Variants in MAP3K14 observed in about 807,000 individuals in gnomAD.
The protein encoded by MAP3K14 is NF-kappa-beta-inducing kinase.
Under a neutral mutation model 99.2 loss-of-function variants are expected in MAP3K14, and 16 were observed. The observed-to-expected ratio is 0.16, with a 90% CI of 0.11 to 0.24. MAP3K14 has a LOEUF of 0.24. Ranked by LOEUF, MAP3K14 falls within the 10% of genes least tolerant of loss-of-function variation. The pLI is 1.00. For synonymous variants in MAP3K14, 462 were observed against 492.4 expected, an observed-to-expected ratio of 0.94 and a Z score of 0.82; for missense variants, 784 against 1,208.7, an observed-to-expected ratio of 0.65 and a Z score of 5.21.
rs1469896711 is a variant in MAP3K14, at chr17:45,264,629, G to A, written c.*7C>T. ...CGGCAGTGTGGAGCCGGCGGTGGAG[G>A]GCAGGGTTAGGGCCTGTTCTCCAGC... On this transcript the variant is annotated 3_prime_UTR_variant, in exon 16 of 16. Transcript: ENST00000344686. 1.3e-6 allele frequency: 2 copies of A among 1,568,532 alleles called. No homozygotes were observed. The highest frequency in any genetic ancestry group is 3.7e-5 in the Admixed American group (2 of 53,402).
intron 6 of MAP3K14, among the ~76,000 whole-genome samples, chr17:45,283,212 T>A (rs1228029488): frequency 6.6e-6 from 1 of 152,196 alleles, no homozygotes; most frequent in Non-Finnish European, 1.5e-5. Flanking sequence ...CTTCACACTC[T>A]CACACTCTCC....
intron 1 of MAP3K14, among the ~76,000 whole-genome samples, chr17:45,316,620 G>A (rs1387580853): frequency 2.6e-5 from 4 of 152,320 alleles, no homozygotes; most frequent in South Asian, 4.1e-4. Context: ...GGGGCACTGG[G>A]GCGCAGAGCA....
intron 4 of MAP3K14, 42 bp downstream of exon 4, chr17:45,287,112 C>A (rs1438723753): frequency 3.1e-5 from 50 of 1,602,188 alleles, no homozygotes; most frequent in Non-Finnish European, 3.8e-5. Context: ...AATTTCAAGG[C>A]CCCATGAACC....
intron 9 of MAP3K14, among the ~76,000 whole-genome samples, chr17:45,271,739 A>C (rs2044144093): frequency 6.6e-6 from 1 of 152,262 alleles, no homozygotes; most frequent in Non-Finnish European, 1.5e-5. Flanking sequence ...TGTACAAAGT[A>C]ACAGAGCATC....
chr17:45,277,543 T>C (rs758754969), intron 6 of MAP3K14, among the ~76,000 whole-genome samples: 21 of 152,216 alleles, frequency 1.4e-4, no homozygotes, highest in Non-Finnish European at 2.9e-4. Context: ...CCATGAACTT[T>C]GACTCTGCCA....
chr17:45,306,796 G>A (rs906399533), intron 1 of MAP3K14, among the ~76,000 whole-genome samples: 4 of 152,250 alleles, frequency 2.6e-5, no homozygotes, highest in African/African-American at 9.6e-5. Flanking sequence ...TTTGCACAAG[G>A]AGAGCCAACA....
At chr17:45,274,425 G>A (rs751191026) in intron 7 of MAP3K14, 39 bp downstream of exon 7, 1 of 1,610,960 alleles carries the variant, frequency 6.2e-7, no homozygotes, top group African/African-American at 1.3e-5. Context: ...GGAACTCTTG[G>A]CCCTGAATTT....
Position 45,306,951 on chromosome 17 carries a change from T to C in MAP3K14, c.-21+10009A>G, listed in dbSNP as rs8065178. 6.4e-3 allele frequency among the ~76,000 whole-genome samples: 977 copies of C among 152,286 alleles called. 14 individuals are homozygous for C. Among genetic ancestry groups the C allele is most frequent in the African/African-American group, 0.022 (924 of 41,550 alleles). ...ACAATAAGCAACAAGGAATGTTTAA[T>C]GTATATTGTATAAAAAATTTTTCAG... On this transcript the variant is annotated intron_variant, in intron 1 of 15. Coordinates refer to ENST00000344686, the MANE Select transcript of MAP3K14 (RefSeq NM_003954.5).
At chr17:45,287,729 G>T (rs11574818) in intron 3 of MAP3K14, among the ~76,000 whole-genome samples, 2 of 152,190 alleles carry the variant, frequency 1.3e-5, no homozygotes, top group African/African-American at 4.8e-5. Context: ...GACACGGTTC[G>T]CTCACTGCTC....
Position 45,267,847 on chromosome 17 carries a change from G to A in MAP3K14, c.1973-88C>T. On this transcript the variant is annotated intron_variant, in intron 11 of 15. Coordinates refer to ENST00000344686, the MANE Select transcript of MAP3K14 (RefSeq NM_003954.5). This position sits in a 1 kb window ranked among gnomAD's most constrained non-coding sequence, Gnocchi z 5.1. ...GGAGCGGCCTCTCCTGAGTGCAGAA[G>A]GGCTAGAGGCAAACAAAGGGGAGGA... is the stretch of plus-strand genomic sequence containing the variant. 1.7e-6 allele frequency: 2 copies of A among 1,148,708 alleles called. No homozygotes were observed. Among genetic ancestry groups the A allele is most frequent in the Non-Finnish European group, 1.3e-6 (1 of 796,688 alleles). The allele number at this position is 1,148,708 out of a possible 1,614,324, so 71.2% of individuals were successfully genotyped here.
In MAP3K14 at chr17:45,264,742, A is replaced by G. The variant is rs763082452; in HGVS notation, c.2738T>C (p.Met913Thr). 6.2e-7 allele frequency: 1 copy of G among 1,613,224 alleles called. No homozygotes were observed. The highest frequency in any genetic ancestry group is 8.5e-7 in the Non-Finnish European group (1 of 1,179,644). ...TKDGQPVRYDMEVPDSGIDLQ... is the reference protein window; with the variant it reads ...TKDGQPVRYDTEVPDSGIDLQ... Reference sequence around the variant, plus strand: ...GTCGATGCCCGAGTCTGGCACCTCCATGTCGTAGCGAACAGGCTGCCCGTC... The same window carrying G: ...GTCGATGCCCGAGTCTGGCACCTCCGTGTCGTAGCGAACAGGCTGCCCGTC... Residue 913 changes from methionine (M) to threonine (T), a missense_variant, in exon 16 of 16, where the codon ATG (methionine) becomes ACG (threonine). Coordinates refer to ENST00000344686, the MANE Select transcript of MAP3K14 (RefSeq NM_003954.5).
rs1311601745 is a variant in MAP3K14 at position 45,284,956 on chromosome 17, T to A, written c.1153-7A>T. 1 of 1,551,254 alleles carries A rather than the reference T, an allele frequency of 6.4e-7. No individual in the cohort carries two copies. The highest frequency in any genetic ancestry group is 1.2e-5 in the South Asian group (1 of 84,012). ...AATCCACTGGCTTGAGTTTCTGGGG[T>A]TGGCAGGAGAGAGAGGACAGTTTCA... On this transcript the variant is annotated splice_region_variant and splice_polypyrimidine_tract_variant and intron_variant, in intron 5 of 15. Coordinates refer to ENST00000344686, the MANE Select transcript of MAP3K14 (RefSeq NM_003954.5).
chr17:45,264,842 G>C (rs1226098997), intron 15 of MAP3K14, 42 bp from the exon 16 acceptor site: 10 of 1,596,530 alleles, frequency 6.3e-6, no homozygotes, highest in South Asian at 2.3e-5. Flanking sequence ...CATGGCATAG[G>C]GCTCAAGCCA....
intron 11 of MAP3K14, among the ~76,000 whole-genome samples, chr17:45,269,707 C>CT (rs1334394842): frequency 6.6e-6 from 1 of 152,240 alleles, no homozygotes; most frequent in Non-Finnish European, 1.5e-5. Flanking sequence ...CTTCTGGTAG[C>CT]TGGGCACATG....
chr17:45,265,362 C>T (rs964255590), intron 14 of MAP3K14, 99 bp from the exon 15 acceptor site: 11 of 783,368 alleles, frequency 1.4e-5, no homozygotes, highest in East Asian at 9.8e-5. Flanking sequence ...TTAAAAGTCA[C>T]TCTGCCCTAT....
chr17:45,292,063 C>A (rs1022707338), intron 1 of MAP3K14, among the ~76,000 whole-genome samples: 3 of 152,254 alleles, frequency 2.0e-5, no homozygotes, highest in Non-Finnish European at 2.9e-5. Context: ...ACCTCGATGG[C>A]TATGAAAGGC....
chr17:45,316,451 C>T (rs1263763252), intron 1 of MAP3K14, among the ~76,000 whole-genome samples: 1 of 152,258 alleles, frequency 6.6e-6, no homozygotes, highest in Non-Finnish European at 1.5e-5. Context: ...CAGCACTGCC[C>T]CGCTGCATGC....
chr17:45,273,665 A>G (rs533537046), intron 8 of MAP3K14, 58 bp from the exon 9 acceptor site: 22 of 1,394,606 alleles, frequency 1.6e-5, no homozygotes, highest in Middle Eastern at 1.7e-4. Flanking sequence ...GTCCCAGCCC[A>G]CCCTGGCTCG....
chr17:45,282,401 AAAAATTAGC>A (rs1366655979), intron 6 of MAP3K14, among the ~76,000 whole-genome samples: 1 of 152,012 alleles, frequency 6.6e-6, no homozygotes, highest in Non-Finnish European at 1.5e-5. Context: ...ACAAAAAATA[AAAAATTAGC>A]TGGGTGTGGT....
Sources: allele counts gnomAD v4.1 joint callset (sites outside exome capture counted in the v4.1 genomes callset), GRCh38; gene constraint gnomAD v4.1.1; non-coding constraint Gnocchi (gnomAD v3.1); transcripts MANE v1.5; gene names NCBI Gene and HGNC (gene_info 2026-07-23, HGNC 2026-07-21).